The following SCD5 variants were observed in gnomAD, a reference collection of about 807,000 sequenced individuals.
SCD5 encodes the protein acyl-CoA-desaturase 4.
SCD5 carries 20 observed loss-of-function variants against 30.4 expected under a neutral mutation model. That is an observed-to-expected ratio of 0.66 (90% CI 0.46 to 0.96). The LOEUF is 0.96. SCD5 is among the 40% of genes least tolerant of loss of function. The pLI is 0.00. For synonymous variants in SCD5, 173 were observed against 176.4 expected (o/e 0.98, Z 0.16); for missense variants, 381 against 443.3 (o/e 0.86, Z 1.26).
chr4:82,798,086 C>CG lies in SCD5; in HGVS notation c.232+219dup, dbSNP rs34694654. On this transcript the variant is annotated intron_variant, in intron 1 of 4. Coordinates refer to ENST00000319540, the MANE Select transcript of SCD5 (RefSeq NM_001037582.3). ...CAGGCAGACCGCGGCGGGGTGGGGGCGGGGGGGGGGCGGAAGTTGAAATAC... is the reference window on the plus strand; with the variant it reads ...CAGGCAGACCGCGGCGGGGTGGGGGCGGGGGGGGGGGCGGAAGTTGAAATAC... Among the ~76,000 whole-genome samples the CG allele has an allele frequency of 1.8e-3, 222 of 124,092 alleles. 1 individual carries two copies. Among genetic ancestry groups the CG allele is most frequent in the African/African-American group, 5.3e-3 (148 of 28,006 alleles). 81.4% of individuals were successfully genotyped at this position (124,092 alleles called of 152,430 possible).
chr4:82,707,001 C>A (rs1288886614), intron 1 of SCD5, among the ~76,000 whole-genome samples: 1 of 152,238 alleles, frequency 6.6e-6, no homozygotes, highest in Non-Finnish European at 1.5e-5. Flanking sequence ...GATTCATGGG[C>A]TGTCCCATTA....
At chr4:82,675,594 T>G (rs1253300805) in intron 3 of SCD5, among the ~76,000 whole-genome samples, 2 of 152,232 alleles carry the variant, frequency 1.3e-5, no homozygotes, top group Non-Finnish European at 2.9e-5. Flanking sequence ...TGTTTTTATG[T>G]GTCTGGACTA....
At chr4:82,646,794 G>T (rs1242709593) in intron 3 of SCD5, among the ~76,000 whole-genome samples, 2 of 152,206 alleles carry the variant, frequency 1.3e-5, no homozygotes, top group Non-Finnish European at 2.9e-5. Context: ...TTGAAATGCA[G>T]CAGAGAAAAG....
At chr4:82,697,603 A>G (rs1719722894) in intron 2 of SCD5, among the ~76,000 whole-genome samples, 1 of 152,210 alleles carries the variant, frequency 6.6e-6, no homozygotes, top group Non-Finnish European at 1.5e-5. Context: ...ATAAGCAAGT[A>G]AGGCATCTTA....
At chr4:82,641,754 C>T (rs982465039) in intron 3 of SCD5, among the ~76,000 whole-genome samples, 6 of 152,066 alleles carry the variant, frequency 3.9e-5, no homozygotes, top group Admixed American at 3.9e-4. Context: ...AATATGGTGG[C>T]CTGAACCTGG....
intron 3 of SCD5, among the ~76,000 whole-genome samples, chr4:82,671,382 A>G (rs556605650): frequency 1.4e-4 from 21 of 152,304 alleles, no homozygotes; most frequent in African/African-American, 4.8e-4. Flanking sequence ...AACACCATCA[A>G]TCCACAAGAT....
chr4:82,642,676 C>T (rs4693474), intron 3 of SCD5, among the ~76,000 whole-genome samples: 88,054 of 152,082 alleles, frequency 0.58, 26,211 homozygotes, highest in Admixed American at 0.69. Context: ...GCTGGCTTAA[C>T]GGGCAGCCTA....
At chr4:82,748,978 G>A (rs1377649114) in intron 1 of SCD5, among the ~76,000 whole-genome samples, 3 of 152,152 alleles carry the variant, frequency 2.0e-5, no homozygotes, top group Admixed American at 6.5e-5. Flanking sequence ...GATAGCCTCC[G>A]CCTCCCCTGA....
chr4:82,708,701 AC>A (rs1269376150), intron 1 of SCD5, among the ~76,000 whole-genome samples: 1 of 152,036 alleles, frequency 6.6e-6, no homozygotes, highest in East Asian at 1.9e-4. Flanking sequence ...GACTGTAGTG[AC>A]CCCCTCCTGA....
At chr4:82,643,792 G>C (rs1053031408) in intron 3 of SCD5, among the ~76,000 whole-genome samples, 7 of 152,166 alleles carry the variant, frequency 4.6e-5, no homozygotes, top group Admixed American at 4.6e-4. Context: ...AGAGCACAGG[G>C]GCAGAAATCA....
rs916221545 is a variant in SCD5, at chr4:82,629,654, A to G, written c.*1673T>C. On this transcript the variant is annotated 3_prime_UTR_variant, in exon 5 of 5. Coordinates refer to ENST00000319540, the MANE Select transcript of SCD5 (RefSeq NM_001037582.3). ...TTCATTGTGACTATTTCCAATTGCC[A>G]TCATATCTTTTTCTAAAATTTAAAA... 6 of 152,232 alleles carry G rather than the reference A, an allele frequency of 3.9e-5. No homozygotes were observed. Among genetic ancestry groups the G allele is most frequent in the African/African-American group, 1.2e-4 (5 of 41,460 alleles). 9.4% of individuals were successfully genotyped at this position (152,232 alleles called of 1,614,324 possible). A position where few individuals can be genotyped will look rare whatever the true frequency, so the allele number is the denominator to read the frequency against.
At chr4:82,654,679 A>C (rs7684732) in intron 3 of SCD5, among the ~76,000 whole-genome samples, 41,146 of 151,994 alleles carry the variant, frequency 0.27, 6,196 homozygotes, top group African/African-American at 0.39. Context: ...ACATAGATAA[A>C]GTCCTCTCCA....
intron 1 of SCD5, among the ~76,000 whole-genome samples, chr4:82,783,002 C>T (rs1721905886): frequency 6.6e-6 from 1 of 152,206 alleles, no homozygotes; most frequent in Non-Finnish European, 1.5e-5. Flanking sequence ...ATGTCTCCAA[C>T]CCCCTGGCTA....
intron 1 of SCD5, among the ~76,000 whole-genome samples, chr4:82,797,434 G>T (rs557170097): frequency 6.6e-6 from 1 of 152,306 alleles, no homozygotes; most frequent in African/African-American, 2.4e-5. Flanking sequence ...AACGACTGGG[G>T]TCGTGTAGGG....
At chr4:82,669,996 A>C (rs1011985278) in intron 3 of SCD5, among the ~76,000 whole-genome samples, 2 of 152,172 alleles carry the variant, frequency 1.3e-5, no homozygotes, top group Admixed American at 6.5e-5. Flanking sequence ...AGACCTAATC[A>C]CAAGGCTCTA....
chr4:82,695,459 G>T (rs1047645917), intron 2 of SCD5, among the ~76,000 whole-genome samples: 2 of 152,116 alleles, frequency 1.3e-5, no homozygotes, highest in African/African-American at 2.4e-5. Flanking sequence ...AGAACTGAAG[G>T]GATTGGCTTA....
intron 1 of SCD5, among the ~76,000 whole-genome samples, chr4:82,778,288 C>T (rs892267715): frequency 1.3e-5 from 2 of 152,154 alleles, no homozygotes; most frequent in Non-Finnish European, 2.9e-5. Flanking sequence ...ACCCACCCTG[C>T]CTCCAGTCAC....
chr4:82,637,300 G>C (rs1167214307), intron 3 of SCD5, among the ~76,000 whole-genome samples: 6 of 152,198 alleles, frequency 3.9e-5, no homozygotes, highest in Admixed American at 6.5e-5. Flanking sequence ...TAAAAAGGTA[G>C]ACAATCTTCC....
chr4:82,677,574 A>G (rs1728463598), intron 3 of SCD5, among the ~76,000 whole-genome samples: 1 of 152,236 alleles, frequency 6.6e-6, no homozygotes, highest in Non-Finnish European at 1.5e-5. Context: ...ATATCTGAAC[A>G]GTTGACTGCC....
Sources: allele counts gnomAD v4.1 joint callset (sites outside exome capture counted in the v4.1 genomes callset), GRCh38; gene constraint gnomAD v4.1.1; transcripts MANE v1.5; gene names NCBI Gene and HGNC (gene_info 2026-07-23, HGNC 2026-07-21).